Variants in TARM1 observed in about 807,000 individuals in gnomAD.
TARM1 encodes T cell-interacting, activating receptor on myeloid cells 1.
TARM1 carries 24 observed loss-of-function variants against 30.4 expected under a neutral mutation model. That is an observed-to-expected ratio of 0.79 (90% CI 0.57 to 1.11). The LOEUF (loss-of-function observed/expected upper bound fraction) is 1.11. TARM1 is among the 50% of genes least tolerant of loss of function. The pLI is 0.00. For missense variants in TARM1, 323 were observed against 332.8 expected, an observed-to-expected ratio of 0.97 and a Z score of 0.23; for synonymous variants, 129 against 138.9, an observed-to-expected ratio of 0.93 and a Z score of 0.50.
intron 1 of TARM1, among the ~76,000 whole-genome samples, chr19:54,076,981 C>A (rs1361137865): frequency 6.6e-6 from 1 of 152,168 alleles, no homozygotes; most frequent in Non-Finnish European, 1.5e-5. Flanking sequence ...TCCAAATGGT[C>A]ATTCCAGAAA....
At chr19:54,077,459 G>T (rs960734053) in intron 1 of TARM1, among the ~76,000 whole-genome samples, 3 of 151,950 alleles carry the variant, frequency 2.0e-5, no homozygotes, top group African/African-American at 7.2e-5. Context: ...TAATGAGATT[G>T]ATCTAACTCA....
rs2071884515 is a variant in TARM1, at chr19:54,074,154, C to T, written c.424G>A (p.Val142Met). 1 of 1,551,572 alleles carries T rather than the reference C, an allele frequency of 6.4e-7. No individual in the cohort carries two copies. The highest frequency in any genetic ancestry group is 8.7e-7 in the Non-Finnish European group (1 of 1,146,998). Residue 142 changes from valine to methionine, a missense_variant, in exon 4 of 5, where the codon GTG becomes ATG. Val to Met is a conservative substitution (Grantham distance 21). Transcript: ENST00000432826. ...QRGTVTAGGR[V>M]TLQCQKRDQL... Reference sequence around the variant, plus strand: ...TCTCGCTTCTGGCACTGCAGAGTCACCCTTCCACCTGCGGTCACTGTACCC... The same window carrying T: ...TCTCGCTTCTGGCACTGCAGAGTCATCCTTCCACCTGCGGTCACTGTACCC...
rs772139665 is a variant in TARM1 at position 54,074,054 on chromosome 19, G to A, written c.524C>T (p.Ala175Val). The change falls in exon 4 of 5, where the codon GCG becomes GTG. Residue 175 changes from alanine to valine, a missense_variant. By Grantham distance (64) the Ala-to-Val change is moderately conservative (BLOSUM62 0). Transcript: ENST00000432826. Reference sequence around the variant, plus strand: ...CAGAGAGAAGTCTATCTCCTTCCCCGCTGGACTCTGCAGCTGGATGGGTGA... The same window carrying A: ...CAGAGAGAAGTCTATCTCCTTCCCCACTGGACTCTGCAGCTGGATGGGTGA... ...TPSPIQLQSP[A>V]GKEIDFSLVD... The A allele has an allele frequency of 2.1e-5, 32 of 1,551,502 alleles. No individual in the cohort carries two copies. Among genetic ancestry groups the A allele is most frequent in the East Asian group, 9.8e-5 (4 of 40,928 alleles).
intron 1 of TARM1, among the ~76,000 whole-genome samples, chr19:54,080,116 G>A (rs74182524): frequency 0.052 from 1,484 of 28,646 alleles, 160 homozygotes; most frequent in East Asian, 0.15. Context: ...AGGAAGGAAG[G>A]AAGGAAGGAA....
rs954473347 is a variant in TARM1 at position 54,074,346 on chromosome 19, C to T, written c.362-130G>A. On this transcript the variant is annotated intron_variant, in intron 3 of 4. Transcript: ENST00000432826. ...ATTCCTGATCTCTTCTACCTTCCTC[C>T]ACTTCCTACTCCGACCCCAGGACAG... is the stretch of plus-strand genomic sequence containing the variant. 1.6e-4 allele frequency: 139 copies of T among 888,370 alleles called. 1 individual carries two copies. The highest frequency in any genetic ancestry group is 2.2e-4 in the Non-Finnish European group (132 of 592,294). 55.0% of individuals were successfully genotyped at this position (888,370 alleles called of 1,614,324 possible). A position where few individuals can be genotyped will look rare whatever the true frequency, so the allele number is the denominator to read the frequency against.
chr19:54,072,184 G>A (rs1199001411), intron 4 of TARM1, among the ~76,000 whole-genome samples: 2 of 151,942 alleles, frequency 1.3e-5, no homozygotes, highest in Admixed American at 1.3e-4. Context: ...GCAAGACTCC[G>A]TCTCAAACAA....
intron 1 of TARM1, among the ~76,000 whole-genome samples, chr19:54,081,025 A>T (rs1388074626): frequency 1.3e-5 from 2 of 152,134 alleles, no homozygotes; most frequent in Admixed American, 6.6e-5. Flanking sequence ...GAATACTTTT[A>T]CTTACACACA....
At chr19:54,072,143 C>T (rs1336313790) in intron 4 of TARM1, among the ~76,000 whole-genome samples, 1 of 151,258 alleles carries the variant, frequency 6.6e-6, no homozygotes, top group Non-Finnish European at 1.5e-5. Flanking sequence ...GAGCCGAGAT[C>T]GCGCCACTGC....
At position 54,075,057 on chromosome 19, in the gene TARM1, C is replaced by A; in HGVS notation, c.128G>T (p.Ser43Ile). The change falls in exon 3 of 5, where the codon AGC (serine) becomes ATC (isoleucine). Residue 43 changes from serine (S) to isoleucine (I), a missense_variant. By Grantham distance (142) the Ser-to-Ile change is moderately radical (BLOSUM62 -2). Transcript: ENST00000432826. ...AGTCCAACATCGCAGCGTCACATTG[C>A]TGTTGGCAGGGACCACCGAGCTGGG... is the stretch of plus-strand genomic sequence containing the variant. ...AWPSSVVPAN[S>I]NVTLRCWTPA... The A allele has an allele frequency of 6.4e-7, 1 of 1,551,360 alleles. No individual in the cohort carries two copies.
intron 1 of TARM1, chr19:54,076,131 G>A (rs587771792): frequency 6.8e-7 from 1 of 1,477,210 alleles, no homozygotes; most frequent in Non-Finnish European, 8.9e-7. Context: ...TGACCATCCT[G>A]TGTGGCTGTC....
chr19:54,072,131 T>C (rs1219029254), intron 4 of TARM1, among the ~76,000 whole-genome samples: 1 of 149,962 alleles, frequency 6.7e-6, no homozygotes, highest in Non-Finnish European at 1.5e-5. Flanking sequence ...AGAGGTTTCA[T>C]TGAGCCGAGA....
Sources: allele counts gnomAD v4.1 joint callset (sites outside exome capture counted in the v4.1 genomes callset), GRCh38; gene constraint gnomAD v4.1.1; transcripts MANE v1.5; gene names NCBI Gene and HGNC (gene_info 2026-07-23, HGNC 2026-07-21).